Variants in KIF15 observed in about 807,000 individuals in gnomAD.
KIF15 encodes the protein kinesin family member 15.
In KIF15, 140 loss-of-function variants were observed where a neutral mutation model predicts 190.6. The ratio of observed to expected loss-of-function variants is 0.73; its 90% CI spans 0.64 to 0.84. The LOEUF is 0.84. KIF15 is among the 40% of genes least tolerant of loss of function. The pLI, the probability that KIF15 is intolerant of heterozygous loss-of-function variation, is 0.00. For missense variants in KIF15, 1,372 were observed against 1,584.4 expected, an observed-to-expected ratio of 0.87 and a Z score of 2.28; for synonymous variants, 528 against 551.3, an observed-to-expected ratio of 0.96 and a Z score of 0.59.
chr3:44,772,570 AATT>A (rs1362438300), intron 1 of KIF15, among the ~76,000 whole-genome samples: 1 of 152,254 alleles, frequency 6.6e-6, no homozygotes, highest in Non-Finnish European at 1.5e-5. Flanking sequence ...ATCCACTTTC[AATT>A]AAGCTGAACG....
Position 44,778,151 on chromosome 3 carries a change from G to A in KIF15, c.283G>A (p.Glu95Lys). ...VFATVAKSIV[E>K]SCMSGYNGTI... is the part of the protein sequence containing the mutation. ...CGCAACTGTGGCTAAAAGCATTGTG[G>A]AGTCTTGCATGAGCGGTTATAATGG... The change falls in exon 4 of 35, where the codon GAG (glutamate) becomes AAG (lysine). Residue 95 changes from glutamate to lysine, a missense_variant. Coordinates refer to ENST00000326047, the MANE Select transcript of KIF15 (RefSeq NM_020242.3). The A allele has an allele frequency of 1.2e-6, 2 of 1,614,058 alleles. No individual in the cohort carries two copies. The highest frequency in any genetic ancestry group is 8.5e-7 in the Non-Finnish European group (1 of 1,179,898).
intron 1 of KIF15, chr3:44,766,118 C>A: frequency 6.5e-6 from 1 of 152,884 alleles, no homozygotes; most frequent in Non-Finnish European, 1.5e-5. Context: ...GGGATTACAT[C>A]ATGAGCCACC....
intron 18 of KIF15, 93 bp from the exon 19 acceptor site, chr3:44,812,982 C>G: frequency 1.3e-6 from 1 of 744,056 alleles, no homozygotes; most frequent in Non-Finnish European, 2.1e-6. Context: ...AAGACTCTGT[C>G]TCAAAAAAAA....
At chr3:44,808,390 C>G (rs1707618680) in intron 16 of KIF15, among the ~76,000 whole-genome samples, 1 of 152,158 alleles carries the variant, frequency 6.6e-6, no homozygotes, top group African/African-American at 2.4e-5. Flanking sequence ...TGAATACATT[C>G]TCTTTGTTTA....
intron 5 of KIF15, among the ~76,000 whole-genome samples, chr3:44,783,424 C>A (rs962507814): frequency 2.0e-5 from 3 of 152,212 alleles, no homozygotes; most frequent in East Asian, 3.9e-4. Context: ...ACAACTAGTT[C>A]TCTTGGGAAA....
chr3:44,841,323 C>T lies in KIF15; in HGVS notation c.3585+85C>T, dbSNP rs1434671327. On this transcript the variant is annotated intron_variant, in intron 29 of 34. Coordinates refer to ENST00000326047, the MANE Select transcript of KIF15 (RefSeq NM_020242.3). Reference sequence around the variant, plus strand: ...GTTGCCCAGGCTGGGCTCAAGTGATCCATTTGCCTCAGCCACCCAGTATCT... The same window carrying T: ...GTTGCCCAGGCTGGGCTCAAGTGATTCATTTGCCTCAGCCACCCAGTATCT... 1.4e-5 allele frequency: 14 copies of T among 1,025,800 alleles called. 1 individual carries two copies. The South Asian group carries it at 2.3e-4, about 17-fold the overall frequency. The allele number at this position is 1,025,800 out of a possible 1,614,324, so 63.5% of individuals were successfully genotyped here.
chr3:44,784,241 G>A (rs908533312), intron 5 of KIF15, among the ~76,000 whole-genome samples: 3 of 152,092 alleles, frequency 2.0e-5, no homozygotes, highest in Non-Finnish European at 4.4e-5. Context: ...GCGCCATCTC[G>A]GCTCACTGCA....
chr3:44,771,099 T>A (rs920453022), intron 1 of KIF15, among the ~76,000 whole-genome samples: 10 of 152,200 alleles, frequency 6.6e-5, no homozygotes, highest in Admixed American at 1.3e-4. Flanking sequence ...ATAAACCATC[T>A]TTTGAAGAGG....
At chr3:44,763,378 T>A (rs1705232663) in intron 1 of KIF15, among the ~76,000 whole-genome samples, 3 of 152,246 alleles carry the variant, frequency 2.0e-5, no homozygotes, top group Non-Finnish European at 4.4e-5. Flanking sequence ...ATTGGCTCAC[T>A]GCAACCTCCG....
intron 1 of KIF15, among the ~76,000 whole-genome samples, chr3:44,770,732 C>G (rs1705605714): frequency 6.6e-6 from 1 of 152,324 alleles, no homozygotes; most frequent in East Asian, 1.9e-4. Context: ...AGTATACTCA[C>G]AACTAGTTTC....
Position 44,802,977 on chromosome 3 carries a change from A to C in KIF15, c.1673A>C (p.Glu558Ala), listed in dbSNP as rs777540082. The C allele has an allele frequency of 1.0e-5, 16 of 1,594,434 alleles. No homozygotes were observed. The highest frequency in any genetic ancestry group is 1.3e-5 in the Non-Finnish European group (15 of 1,174,916). The change falls in exon 14 of 35, where the codon GAG (glutamate) becomes GCG (alanine). Residue 558 changes from glutamate (E) to alanine (A), a missense_variant. Physicochemically the swap from Glu to Ala is moderately radical, Grantham distance 107. Transcript: ENST00000326047. The part of the protein sequence containing the change: ...EKAFSEISGM[E>A]KSDKNQQGFS... ...GCTTTCTCTGAAATAAGTGGCATGGAGAAAAGTGACAAAAGTAAGAAATGA... is the reference window on the plus strand; with the variant it reads ...GCTTTCTCTGAAATAAGTGGCATGGCGAAAAGTGACAAAAGTAAGAAATGA...
intron 10 of KIF15, 66 bp from the exon 11 acceptor site, chr3:44,800,248 T>C (rs1006460062): frequency 8.9e-6 from 13 of 1,468,828 alleles, no homozygotes; most frequent in Non-Finnish European, 1.1e-5. Flanking sequence ...ACCAAACAAA[T>C]GTAAACACAG....
intron 7 of KIF15, among the ~76,000 whole-genome samples, chr3:44,790,752 G>A (rs1706657897): frequency 7.1e-6 from 1 of 141,312 alleles, no homozygotes; most frequent in Non-Finnish European, 1.5e-5. Flanking sequence ...GAGTGCAGTG[G>A]CATGATCTCG....
intron 27 of KIF15, among the ~76,000 whole-genome samples, chr3:44,839,239 G>A (rs1559584885): frequency 6.6e-6 from 1 of 152,034 alleles, no homozygotes; most frequent in East Asian, 1.9e-4. Context: ...GGGCGTGGTG[G>A]CCGGCTCCGG....
chr3:44,770,242 A>G (rs1487064697), intron 1 of KIF15, among the ~76,000 whole-genome samples: 1 of 152,258 alleles, frequency 6.6e-6, no homozygotes, highest in East Asian at 1.9e-4. Flanking sequence ...AGTTGTTTGC[A>G]AAATAGACTT....
intron 7 of KIF15, among the ~76,000 whole-genome samples, chr3:44,792,015 G>A (rs577453704): frequency 1.2e-3 from 176 of 151,970 alleles, no homozygotes; most frequent in African/African-American, 4.0e-3. Flanking sequence ...CATAGTGCCC[G>A]GCCGCTTTTT....
In KIF15 at chr3:44,828,081, A is replaced by G; in HGVS notation, c.2857-133A>G. On this transcript the variant is annotated intron_variant, in intron 23 of 34. Coordinates refer to ENST00000326047, the MANE Select transcript of KIF15 (RefSeq NM_020242.3). ...CACAAAATCACTGTCTTTCAACCCA[A>G]TTTATCATTTTCAAGTATTACTCCT... 3.1e-5 allele frequency: 19 copies of G among 605,088 alleles called. No individual in the cohort carries two copies. The South Asian group carries it at 4.1e-4, about 13-fold the overall frequency. 37.5% of individuals were successfully genotyped at this position (605,088 alleles called of 1,614,324 possible).
At chr3:44,838,064 A>G (rs771741158) in intron 26 of KIF15, among the ~76,000 whole-genome samples, 4 of 152,176 alleles carry the variant, frequency 2.6e-5, no homozygotes, top group Non-Finnish European at 4.4e-5. Flanking sequence ...TGGGATACCT[A>G]TATATGTTTA....
intron 26 of KIF15, among the ~76,000 whole-genome samples, chr3:44,837,164 A>C (rs1698362674): frequency 6.6e-6 from 1 of 152,244 alleles, no homozygotes; most frequent in Non-Finnish European, 1.5e-5. Flanking sequence ...GGCCAGTTTC[A>C]CAAATTAAAA....
Sources: allele counts gnomAD v4.1 joint callset (sites outside exome capture counted in the v4.1 genomes callset), GRCh38; gene constraint gnomAD v4.1.1; transcripts MANE v1.5; gene names NCBI Gene and HGNC (gene_info 2026-07-23, HGNC 2026-07-21).